Variants in NUDCD1 observed in about 807,000 individuals in gnomAD.
The protein encoded by NUDCD1 is nudC domain-containing protein 1.
Under a neutral mutation model 67.8 loss-of-function variants are expected in NUDCD1, and 60 were observed. The observed-to-expected ratio is 0.88, with a 90% CI of 0.72 to 1.10. The LOEUF (loss-of-function observed/expected upper bound fraction) is 1.10. Ranked by LOEUF, NUDCD1 falls within the 50% of genes least tolerant of loss-of-function variation. The pLI, the probability that NUDCD1 is intolerant of heterozygous loss-of-function variation, is 0.00. For missense variants in NUDCD1, 643 were observed against 695.0 expected (o/e 0.93, Z 0.84); for synonymous variants, 244 against 230.8 (o/e 1.06, Z -0.52).
intron 2 of NUDCD1, among the ~76,000 whole-genome samples, chr8:109,299,810 G>A (rs111946222): frequency 9.9e-5 from 15 of 152,054 alleles, no homozygotes; most frequent in African/African-American, 2.2e-4. Flanking sequence ...CAAAAATAGC[G>A]CATTAAATCA....
Position 109,271,136 on chromosome 8 carries a change from T to C in NUDCD1, c.1174-6A>G. The C allele has an allele frequency of 1.3e-6, 2 of 1,527,508 alleles. No homozygotes were observed. Among genetic ancestry groups the C allele is most frequent in the Non-Finnish European group, 8.9e-7 (1 of 1,124,734 alleles). 94.6% of individuals were successfully genotyped at this position (1,527,508 alleles called of 1,614,324 possible). On this transcript the variant is annotated splice_polypyrimidine_tract_variant and splice_region_variant and intron_variant, in intron 7 of 9. Coordinates refer to ENST00000239690, the MANE Select transcript of NUDCD1 (RefSeq NM_032869.4). ...TCTTTATCTGGATTTGGATTCTTAGTCCAGAAAATAAAATAAGTAAATAAG... is the reference window on the plus strand; with the variant it reads ...TCTTTATCTGGATTTGGATTCTTAGCCCAGAAAATAAAATAAGTAAATAAG...
At chr8:109,296,771 T>C (rs1287704444) in intron 2 of NUDCD1, among the ~76,000 whole-genome samples, 1 of 152,202 alleles carries the variant, frequency 6.6e-6, no homozygotes, top group Non-Finnish European at 1.5e-5. Flanking sequence ...CTTCTAGAAC[T>C]AGGTCATAAA....
chr8:109,322,209 C>T, intron 2 of NUDCD1, 100 bp downstream of exon 2: 3 of 577,418 alleles, frequency 5.2e-6, no homozygotes, highest in Non-Finnish European at 9.2e-6. Flanking sequence ...GGTATGTGCA[C>T]CTCACTTCTC....
At chr8:109,311,556 G>GATATATATATATATATATAT (rs1563681331) in intron 2 of NUDCD1, among the ~76,000 whole-genome samples, 2 of 53,996 alleles carry the variant, frequency 3.7e-5, no homozygotes, top group African/African-American at 2.5e-4. Context: ...AAGAAACTGT[G>GATATATATATATATATATAT]GTGTATATAT....
intron 9 of NUDCD1, among the ~76,000 whole-genome samples, chr8:109,244,824 T>A (rs1813457109): frequency 6.6e-6 from 1 of 152,198 alleles, no homozygotes; most frequent in South Asian, 2.1e-4. Context: ...ACCAAATAAA[T>A]TTAATTTCTG....
At position 109,242,281 on chromosome 8, in the gene NUDCD1, C is replaced by T. The variant is rs1329025208; in HGVS notation, c.*728G>A. On this transcript the variant is annotated 3_prime_UTR_variant, in exon 10 of 10. Transcript: ENST00000239690. ...TTTTCTCTACTATGGAAAGAAGATT[C>T]GTCTAGTCTACTGGAGGCTGAGAGG... The T allele has an allele frequency of 7.6e-6, 3 of 394,872 alleles. No homozygotes were observed. The highest frequency in any genetic ancestry group is 7.1e-5 in the East Asian group (2 of 27,992). The allele number at this position is 394,872 out of a possible 1,614,324, so 24.5% of individuals were successfully genotyped here. A position where few individuals can be genotyped will look rare whatever the true frequency, so the allele number is the denominator to read the frequency against.
intron 8 of NUDCD1, among the ~76,000 whole-genome samples, chr8:109,267,968 T>A (rs1162431799): frequency 1.3e-5 from 2 of 152,238 alleles, no homozygotes. Flanking sequence ...GAAAGCATAC[T>A]GGCAGCCCGA....
intron 8 of NUDCD1, among the ~76,000 whole-genome samples, chr8:109,270,682 C>G (rs778318200): frequency 4.6e-5 from 7 of 150,992 alleles, no homozygotes; most frequent in Non-Finnish European, 1.0e-4. Context: ...CCAGACATTT[C>G]AATAACATGA....
chr8:109,325,204 G>C (rs376638582), intron 1 of NUDCD1, among the ~76,000 whole-genome samples: 1 of 152,074 alleles, frequency 6.6e-6, no homozygotes, highest in Non-Finnish European at 1.5e-5. Context: ...GGAAAGATGG[G>C]GGTGGGGGAT....
Position 109,333,778 on chromosome 8 carries a change from G to C in NUDCD1, c.118+115C>G, listed in dbSNP as rs972155478. 2.6e-6 allele frequency: 3 copies of C among 1,162,662 alleles called. No homozygotes were observed. In the African/African-American group the frequency reaches 4.6e-5, roughly 18 times the overall value. The allele number at this position is 1,162,662 out of a possible 1,614,324, so 72.0% of individuals were successfully genotyped here. A position where few individuals can be genotyped will look rare whatever the true frequency, so the allele number is the denominator to read the frequency against. ...CAGCGGCCTCCGTGAGTCCACGCAA[G>C]CCGCCACGGTGGCTTCGCTTGCCAG... On this transcript the variant is annotated intron_variant, in intron 1 of 9. Transcript: ENST00000239690.
intron 2 of NUDCD1, among the ~76,000 whole-genome samples, chr8:109,321,173 A>G (rs1235180840): frequency 1.3e-5 from 2 of 152,220 alleles, no homozygotes; most frequent in Non-Finnish European, 2.9e-5. Context: ...CTGTAGATGC[A>G]ATGCGCAGGA....
Position 109,275,345 on chromosome 8 carries a change from T to C in NUDCD1, c.1173+7A>G. 1 of 1,611,948 alleles carries C rather than the reference T, an allele frequency of 6.2e-7. No homozygotes were observed. The highest frequency in any genetic ancestry group is 8.5e-7 in the Non-Finnish European group (1 of 1,178,976). On this transcript the variant is annotated splice_region_variant and intron_variant, in intron 7 of 9. Coordinates refer to ENST00000239690, the MANE Select transcript of NUDCD1 (RefSeq NM_032869.4). ...TGGAAAGTCACACTACTATTCCAAC[T>C]ACTTACCAGTTCTTCAGAGGTCAAA...
intron 8 of NUDCD1, among the ~76,000 whole-genome samples, chr8:109,256,034 G>A (rs1813729531): frequency 1.3e-5 from 2 of 151,810 alleles, no homozygotes. Flanking sequence ...AACACAGTGA[G>A]ATCCCACAAC....
At chr8:109,329,705 T>C (rs1815759720) in intron 1 of NUDCD1, 1 of 1,095,122 alleles carries the variant, frequency 9.1e-7, no homozygotes, top group Non-Finnish European at 1.3e-6. Context: ...TATACATATA[T>C]CACAACTTCT....
At chr8:109,249,109 T>C (rs1813565937) in intron 8 of NUDCD1, among the ~76,000 whole-genome samples, 1 of 152,196 alleles carries the variant, frequency 6.6e-6, no homozygotes, top group Non-Finnish European at 1.5e-5. Context: ...ATTTAAACCA[T>C]TTTATTCCCC....
In NUDCD1 at chr8:109,243,112, A is replaced by G. The variant is rs1429444025; in HGVS notation, c.1649T>C (p.Leu550Pro). 1 of 1,613,844 alleles carries G rather than the reference A, an allele frequency of 6.2e-7. No homozygotes were observed. Among genetic ancestry groups the G allele is most frequent in the Non-Finnish European group, 8.5e-7 (1 of 1,179,776 alleles). The change falls in exon 10 of 10, where the codon CTA becomes CCA. Residue 550 changes from leucine (L) to proline (P), a missense_variant. Leu to Pro is a moderately conservative substitution (Grantham distance 98). Coordinates refer to ENST00000239690, the MANE Select transcript of NUDCD1 (RefSeq NM_032869.4). ...TCCTAAAATAGGATCATTGGTTTCT[A>G]GGCTTGCTACTTGCTGCTTAGCAAC... is the stretch of plus-strand genomic sequence containing the variant. ...GQVAKQQVAS[L>P]ETNDPILGFQ...
At position 109,242,208 on chromosome 8, in the gene NUDCD1, T is replaced by C. The variant is rs549214735; in HGVS notation, c.*801A>G. On this transcript the variant is annotated 3_prime_UTR_variant, in exon 10 of 10. Transcript: ENST00000239690. ...GGAACATTAGTAAATATGATAGATG[T>C]ACAGGATCGATAAGCTCTTGCATAT... 11 of 397,578 alleles carry C rather than the reference T, an allele frequency of 2.8e-5. No homozygotes were observed. The East Asian group carries it at 3.2e-4, about 12-fold the overall frequency. The allele number at this position is 397,578 out of a possible 1,614,324, so 24.6% of individuals were successfully genotyped here.
chr8:109,285,887 C>A (rs542693947), intron 5 of NUDCD1, among the ~76,000 whole-genome samples: 1 of 152,154 alleles, frequency 6.6e-6, no homozygotes, highest in East Asian at 1.9e-4. Flanking sequence ...TAATTCTATA[C>A]CTAGAAAACC....
intron 6 of NUDCD1, among the ~76,000 whole-genome samples, chr8:109,275,709 T>C (rs928826532): frequency 1.3e-5 from 2 of 152,166 alleles, no homozygotes; most frequent in African/African-American, 2.4e-5. Flanking sequence ...AGAAAGAAAG[T>C]ACCACTGGAA....
Sources: allele counts gnomAD v4.1 joint callset (sites outside exome capture counted in the v4.1 genomes callset), GRCh38; gene constraint gnomAD v4.1.1; transcripts MANE v1.5; gene names NCBI Gene and HGNC (gene_info 2026-07-23, HGNC 2026-07-21).